Variants in SPAG16 observed in about 807,000 individuals in gnomAD.
SPAG16 encodes the protein sperm associated antigen 16.
In SPAG16, 86 loss-of-function variants were observed where a neutral mutation model predicts 80.4. The ratio of observed to expected loss-of-function variants is 1.07; its 90% confidence interval spans 0.90 to 1.28. The LOEUF is 1.28. Among genes scored for constraint, SPAG16 ranks in the 50% most tolerant of loss-of-function variants. SPAG16 has a pLI of 0.00. For missense variants in SPAG16, 870 were observed against 765.3 expected, an observed-to-expected ratio of 1.14 and a Z score of -1.61; for synonymous variants, 294 against 265.9, an observed-to-expected ratio of 1.11 and a Z score of -1.03.
chr2:213,531,025 C>G (rs1575855664), intron 10 of SPAG16, among the ~76,000 whole-genome samples: 1 of 151,694 alleles, frequency 6.6e-6, no homozygotes, highest in Middle Eastern at 3.4e-3. Context: ...TTTTAAGTTC[C>G]TTTTTTCCTC....
intron 9 of SPAG16, among the ~76,000 whole-genome samples, chr2:213,409,459 G>A (rs954308806): frequency 6.6e-6 from 1 of 152,180 alleles, no homozygotes; most frequent in South Asian, 2.1e-4. Flanking sequence ...AATTGTGTGT[G>A]TAAACATACT....
At chr2:213,801,221 G>A (rs1421611593) in intron 10 of SPAG16, among the ~76,000 whole-genome samples, 1 of 152,202 alleles carries the variant, frequency 6.6e-6, no homozygotes, top group Non-Finnish European at 1.5e-5. Context: ...AGCTTTGCGT[G>A]TGTGTGTGCG....
At chr2:213,769,161 T>A (rs113136426) in intron 10 of SPAG16, among the ~76,000 whole-genome samples, 1 of 152,198 alleles carries the variant, frequency 6.6e-6, no homozygotes, top group Non-Finnish European at 1.5e-5. Flanking sequence ...AAACATGAGT[T>A]GAATGAGGAA....
At chr2:213,468,543 A>ATATATC (rs1553538761) in intron 9 of SPAG16, among the ~76,000 whole-genome samples, 2 of 122,842 alleles carry the variant, frequency 1.6e-5, no homozygotes, top group African/African-American at 8.8e-5. Flanking sequence ...AGATATATAT[A>ATATATC]TATGTATTTA....
chr2:213,541,858 AT>A (rs548242037), intron 10 of SPAG16, among the ~76,000 whole-genome samples: 30 of 152,258 alleles, frequency 2.0e-4, no homozygotes, highest in African/African-American at 6.5e-4. Flanking sequence ...TTTTTCCATA[AT>A]TTAAGTCCTA....
intron 15 of SPAG16, among the ~76,000 whole-genome samples, chr2:214,390,811 A>C (rs1425158306): frequency 2.6e-5 from 4 of 152,172 alleles, no homozygotes; most frequent in African/African-American, 9.7e-5. Context: ...CACAGAGATG[A>C]TCTGAAATGG....
chr2:213,595,664 A>C (rs966791107), intron 10 of SPAG16, among the ~76,000 whole-genome samples: 1 of 152,136 alleles, frequency 6.6e-6, no homozygotes, highest in Non-Finnish European at 1.5e-5. Flanking sequence ...GGAGACATTA[A>C]ATAAATTAAA....
chr2:213,874,178 G>A (rs1420719773), intron 11 of SPAG16, among the ~76,000 whole-genome samples: 2 of 152,042 alleles, frequency 1.3e-5, no homozygotes, highest in African/African-American at 2.4e-5. Context: ...AGAAGGCCTA[G>A]GACATTACTC....
chr2:213,408,330 A>G (rs1028736377), intron 9 of SPAG16, among the ~76,000 whole-genome samples: 24 of 152,176 alleles, frequency 1.6e-4, no homozygotes, highest in African/African-American at 4.8e-4. Context: ...TAATCTGCGG[A>G]TGGCCAAATG....
chr2:213,352,063 C>G (rs1462466226), intron 7 of SPAG16, among the ~76,000 whole-genome samples: 3 of 151,894 alleles, frequency 2.0e-5, no homozygotes, highest in Non-Finnish European at 4.4e-5. Flanking sequence ...CACTCACTCT[C>G]TTTCCTGCCA....
intron 12 of SPAG16, among the ~76,000 whole-genome samples, chr2:214,005,761 G>A (rs1250196345): frequency 6.6e-6 from 1 of 152,160 alleles, no homozygotes; most frequent in Non-Finnish European, 1.5e-5. Context: ...GACTTTTGAA[G>A]TAAAATTTGG....
chr2:214,199,113 T>A (rs1374081165), intron 15 of SPAG16, among the ~76,000 whole-genome samples: 2 of 152,024 alleles, frequency 1.3e-5, no homozygotes, highest in Non-Finnish European at 2.9e-5. Flanking sequence ...TTAATTAGGT[T>A]CCATTTATTT....
At chr2:213,971,475 T>G (rs1439363468) in intron 12 of SPAG16, among the ~76,000 whole-genome samples, 1 of 151,332 alleles carries the variant, frequency 6.6e-6, no homozygotes, top group African/African-American at 2.4e-5. Flanking sequence ...TAACATATTA[T>G]ATTTTTATTA....
chr2:214,271,851 C>G (rs574493298), intron 15 of SPAG16, among the ~76,000 whole-genome samples: 2 of 145,660 alleles, frequency 1.4e-5, no homozygotes, highest in South Asian at 2.2e-4. Flanking sequence ...AACCCCCCCC[C>G]CAAAAAAAAA....
intron 1 of SPAG16, among the ~76,000 whole-genome samples, chr2:213,289,402 G>A (rs2062182777): frequency 6.6e-6 from 1 of 152,202 alleles, no homozygotes; most frequent in Admixed American, 6.5e-5. Context: ...ATGTAGGACA[G>A]GGGTGGCCAG....
At chr2:213,315,199 G>A (rs2063348979) in intron 4 of SPAG16, among the ~76,000 whole-genome samples, 1 of 151,758 alleles carries the variant, frequency 6.6e-6, no homozygotes, top group Admixed American at 6.6e-5. Context: ...CATACACAGG[G>A]ATTAAAATTG....
At chr2:213,714,629 A>G (rs1216748213) in intron 10 of SPAG16, among the ~76,000 whole-genome samples, 7 of 152,156 alleles carry the variant, frequency 4.6e-5, no homozygotes. Context: ...AATAATGAAC[A>G]AGCATGGCCC....
At chr2:214,210,869 G>A (rs1031957378) in intron 15 of SPAG16, among the ~76,000 whole-genome samples, 2 of 151,740 alleles carry the variant, frequency 1.3e-5, no homozygotes, top group Admixed American at 1.3e-4. Context: ...ATTTGTGTGT[G>A]TACTTATATA....
intron 15 of SPAG16, among the ~76,000 whole-genome samples, chr2:214,201,453 C>T (rs2058007084): frequency 6.6e-6 from 1 of 152,226 alleles, no homozygotes; most frequent in East Asian, 1.9e-4. Context: ...ATGCACAGTA[C>T]ATGACAAGAT....
Sources: gnomAD v4.1 joint callset for allele counts (sites outside exome capture counted in the v4.1 genomes callset) on GRCh38, gnomAD v4.1.1 for gene constraint, MANE v1.5 for transcripts, NCBI Gene and HGNC (gene_info 2026-07-23, HGNC 2026-07-21) for gene names.